MADD: variants seen among roughly 807,000 people sequenced by gnomAD.
MADD encodes the protein MAP kinase activating death domain.
A neutral mutation model predicts 176.7 loss-of-function variants in MADD; 109 were observed. That is an observed-to-expected ratio of 0.62 (90% CI 0.53 to 0.72). The LOEUF (loss-of-function observed/expected upper bound fraction) is 0.72, where lower values mean the gene tolerates loss of function less well. Among genes scored for constraint, MADD ranks in the 30% least tolerant of loss-of-function variants. MADD has a pLI of 0.00. For missense variants in MADD, 1,914 were observed against 2,045.5 expected (o/e 0.94, Z 1.24); for synonymous variants, 771 against 771.3 (o/e 1.00, Z 0.01).
chr11:47,302,685 AT>A (rs937820887), intron 22 of MADD, among the ~76,000 whole-genome samples: 167 of 144,504 alleles, frequency 1.2e-3, no homozygotes, highest in South Asian at 2.0e-3. Flanking sequence ...TAGGTCAAGT[AT>A]TTTTTTTTTT....
Position 47,281,865 on chromosome 11 carries a change from T to C in MADD, c.1469+112T>C, listed in dbSNP as rs563802080. ...ACCAGGGTTCCTTTTTTTTTTGAGA[T>C]AGATTCTCACTCTTGTTGGAGTGCA... On this transcript the variant is annotated intron_variant, in intron 8 of 32. Coordinates refer to ENST00000402192, the Ensembl canonical transcript of MADD. 5.9e-3 allele frequency: 4,349 copies of C among 739,984 alleles called. 58 individuals are homozygous for C. Among genetic ancestry groups the C allele is most frequent in the South Asian group, 0.02 (513 of 25,252 alleles). 45.8% of individuals were successfully genotyped at this position (739,984 alleles called of 1,614,324 possible). A position where few individuals can be genotyped will look rare whatever the true frequency, so the allele number is the denominator to read the frequency against.
chr11:47,329,410 G>C, exon 33 of MADD: 1 of 500,062 alleles, frequency 2.0e-6, no homozygotes, highest in South Asian at 2.5e-5. Context: ...TGTGGGGCCG[G>C]TGTGAACCCA....
rs959796338 is a variant in MADD, at chr11:47,285,388, G to T, written c.2412-63G>T. 7.5e-5 allele frequency: 120 copies of T among 1,604,594 alleles called. 1 individual carries two copies. In the South Asian group the frequency reaches 7.6e-4, roughly 10 times the overall value. The stretch of plus-strand genomic sequence containing the variant: ...GGCAACTGTAGTATAGCATAATTAT[G>T]GCCCATACTCCCAAGATCAGGTACC... On this transcript the variant is annotated intron_variant, in intron 13 of 32. Transcript: ENST00000402192.
intron 8 of MADD, 96 bp downstream of exon 8, chr11:47,281,849 C>CTTTTTTTTTTTTT: frequency 3.6e-6 from 1 of 281,342 alleles, no homozygotes; most frequent in Non-Finnish European, 4.9e-6. Flanking sequence ...AACCAGGGTT[C>CTTTTTTTTTTTTT]CTTTTTTTTT....
chr11:47,292,618 C>T (rs1364064245), intron 19 of MADD, 22 bp downstream of exon 21: 2 of 1,613,662 alleles, frequency 1.2e-6, no homozygotes, highest in Non-Finnish European at 8.5e-7. Context: ...ATGCCCTTTC[C>T]TGTTCCCAAG....
chr11:47,303,115 T>A (rs4752824), intron 22 of MADD, among the ~76,000 whole-genome samples: 59,397 of 152,012 alleles, frequency 0.39, 12,467 homozygotes, highest in East Asian at 0.69. Flanking sequence ...TTGACTGAGA[T>A]TCTTTTTCTT....
At chr11:47,292,279 A>G (rs1455939852) in intron 19 of MADD, among the ~76,000 whole-genome samples, 6 of 152,188 alleles carry the variant, frequency 3.9e-5, no homozygotes, top group Non-Finnish European at 5.9e-5. Context: ...TGTTAAGGGC[A>G]CTTCCAGCTC....
At chr11:47,281,915 A>G (rs1201820931) in intron 8 of MADD, among the ~76,000 whole-genome samples, 162 bp downstream of exon 8, 3 of 137,666 alleles carry the variant, frequency 2.2e-5, no homozygotes. Context: ...GCTCACTGCA[A>G]CTTCCACCTC....
At chr11:47,281,469 G>A in intron 7 of MADD, 106 bp from the exon 8 acceptor site, 1 of 845,808 alleles carries the variant, frequency 1.2e-6, no homozygotes, top group Non-Finnish European at 1.7e-6. Flanking sequence ...TTTTTGACCA[G>A]AGAATACGAG....
In MADD at chr11:47,325,055, C is replaced by T. The variant is rs2095271796; in HGVS notation, c.4542+478C>T. The T allele has an allele frequency of 2.5e-6, 1 of 393,918 alleles. No homozygotes were observed. The highest frequency in any genetic ancestry group is 4.6e-6 in the Non-Finnish European group (1 of 216,262). The allele number at this position is 393,918 out of a possible 1,614,324, so 24.4% of individuals were successfully genotyped here. On this transcript the variant is annotated intron_variant, in intron 30 of 32. Coordinates refer to ENST00000402192, the Ensembl canonical transcript of MADD. This position sits in a 1 kb window ranked among gnomAD's most constrained non-coding sequence, Gnocchi z 4.5. ...TGTGTAAGTAGCTTGTATCTGTCCT[C>T]TCTGGAGTGTGTTTATTTGCCTTTT...
intron 31 of MADD, chr11:47,327,873 G>A: frequency 1.0e-6 from 1 of 985,380 alleles, no homozygotes; most frequent in Non-Finnish European, 1.2e-6. Flanking sequence ...CTGAGCCTGG[G>A]GGGCCTACTC....
rs1046274903 is a variant in MADD, at chr11:47,325,913, A to G, written c.4543-825A>G. 2.6e-5 allele frequency among the ~76,000 whole-genome samples: 4 copies of G among 152,202 alleles called. No homozygotes were observed. The highest frequency in any genetic ancestry group is 4.8e-5 in the African/African-American group (2 of 41,452). ...AAGGGGAGGAAAGCCCGGGTTCTCA[A>G]TCTCACCTCACAGTTAGTAATGAGA... On this transcript the variant is annotated intron_variant, in intron 30 of 32. Transcript: ENST00000402192. The surrounding 1 kb of genome is among the most constrained non-coding windows in gnomAD (Gnocchi z 4.5).
At chr11:47,309,064 CTG>C (rs1565491207) in intron 23 of MADD, 22 bp downstream of exon 26, 25 of 1,613,082 alleles carry the variant, frequency 1.5e-5, no homozygotes, top group Non-Finnish European at 2.0e-5. Flanking sequence ...TATTTGTGTG[CTG>C]TGTTCATCCC....
Position 47,273,055 on chromosome 11 carries a change from G to T in MADD, c.-88-772G>T, listed in dbSNP as rs555048747. On this transcript the variant is annotated intron_variant, in intron 1 of 32. Coordinates refer to ENST00000402192, the Ensembl canonical transcript of MADD. ...GTTATTGTCTGAGCATGGTTAACTA[G>T]ACAGTCTATGTGGTAGTTTTACATC... is the stretch of plus-strand genomic sequence containing the variant. 1.6e-3 allele frequency among the ~76,000 whole-genome samples: 249 copies of T among 152,314 alleles called. 2 individuals carry two copies. Among genetic ancestry groups the T allele is most frequent in the Middle Eastern group, 0.01 (3 of 294 alleles).
chr11:47,328,325 C>T, intron 31 of MADD: 1 of 1,251,164 alleles, frequency 8.0e-7, no homozygotes, highest in Non-Finnish European at 1.0e-6. Context: ...CCTCAGGGGC[C>T]CTGGACAGTA....
chr11:47,276,333 C>T, intron 4 of MADD, 131 bp downstream of exon 4: 1 of 825,678 alleles, frequency 1.2e-6, no homozygotes, highest in Non-Finnish European at 1.8e-6. Context: ...AACATGATGC[C>T]TGGTAAACAG....
At chr11:47,309,474 T>G in intron 24 of MADD, 33 bp from the exon 28 acceptor site, 3 of 1,614,030 alleles carry the variant, frequency 1.9e-6, no homozygotes, top group Non-Finnish European at 2.5e-6. Flanking sequence ...GTCTCCCACT[T>G]GAGGGCTGAC....
exon 4 of MADD, chr11:47,276,127 A>G (rs776050407): frequency 8.7e-6 from 14 of 1,613,826 alleles, no homozygotes; most frequent in Non-Finnish European, 1.2e-5. Context: ...TGGATTTCCC[A>G]CTGCACCTTC....
At chr11:47,311,879 G>C (rs763585949) in intron 26 of MADD, 37 bp downstream of exon 29, 1 of 1,371,020 alleles carries the variant, frequency 7.3e-7, no homozygotes, top group Non-Finnish European at 1.0e-6. Flanking sequence ...CTTCCCCATG[G>C]GTCATTTCTT....
Sources: gnomAD v4.1 joint callset for allele counts (sites outside exome capture counted in the v4.1 genomes callset) on GRCh38, gnomAD v4.1.1 for gene constraint, Gnocchi (gnomAD v3.1) non-coding constraint, MANE v1.5 for transcripts, NCBI Gene and HGNC (gene_info 2026-07-23, HGNC 2026-07-21) for gene names.